The following SBF2 variants were observed in gnomAD, a reference collection of about 807,000 sequenced individuals.
The protein encoded by SBF2 is SET binding factor 2, also known as myotubularin-related protein 13.
In SBF2, 112 loss-of-function variants were observed where a neutral mutation model predicts 225.2. That is an observed-to-expected ratio of 0.50 (90% CI 0.43 to 0.58). SBF2 has a LOEUF of 0.58. SBF2 is among the 20% of genes least tolerant of loss of function. The probability of loss-of-function intolerance (pLI) is 0.00; values close to 1 mark genes in which losing one functional copy is unlikely to be tolerated. For missense variants in SBF2, 1,996 were observed against 2,206.2 expected (o/e 0.90, Z 1.91); for synonymous variants, 763 against 773.3 (o/e 0.99, Z 0.22).
At chr11:10,220,022 C>T (rs1958284838) in intron 1 of SBF2, among the ~76,000 whole-genome samples, 1 of 152,138 alleles carries the variant, frequency 6.6e-6, no homozygotes, top group South Asian at 2.1e-4. Context: ...ACCTCAGTAT[C>T]AATTTACTGT....
chr11:9,789,455 G>T, intron 34 of SBF2, 113 bp from the exon 35 acceptor site: 1 of 696,102 alleles, frequency 1.4e-6, no homozygotes, highest in South Asian at 1.6e-5. Flanking sequence ...TATGAATGGA[G>T]TTCAAATACC....
At position 9,812,696 on chromosome 11, in the gene SBF2, C is replaced by G; in HGVS notation, c.3991G>C (p.Glu1331Gln). ...ACAAACTCACAATTTAAAGCAAATT[C>G]TACCTTGAAGTTCTGCGGATGAAGA... ...EKSQLRNFKV[E>Q]FALNCEFVPV... The change falls in exon 30 of 40, where the codon GAA becomes CAA. Residue 1331 changes from glutamate to glutamine, a missense_variant. Coordinates refer to ENST00000256190, the MANE Select transcript of SBF2 (RefSeq NM_030962.4). 6.2e-7 allele frequency: 1 copy of G among 1,614,130 alleles called. No homozygotes were observed. The highest frequency in any genetic ancestry group is 8.5e-7 in the Non-Finnish European group (1 of 1,180,020).
At chr11:10,165,396 C>G (rs1955907058) in intron 2 of SBF2, among the ~76,000 whole-genome samples, 1 of 152,186 alleles carries the variant, frequency 6.6e-6, no homozygotes, top group Non-Finnish European at 1.5e-5. Context: ...AATAGCAATA[C>G]AGCTAACATC....
At chr11:10,005,996 G>C (rs2896513) in intron 6 of SBF2, among the ~76,000 whole-genome samples, 30,186 of 151,946 alleles carry the variant, frequency 0.2, 3,127 homozygotes, top group East Asian at 0.27. Flanking sequence ...GGCTCTCCTA[G>C]ACAAGAGGTT....
intron 1 of SBF2, among the ~76,000 whole-genome samples, chr11:10,198,757 A>C (rs555250729): frequency 1.3e-5 from 2 of 152,326 alleles, no homozygotes; most frequent in South Asian, 4.1e-4. Context: ...CTTCTACATA[A>C]GCACTTGCTG....
intron 16 of SBF2, among the ~76,000 whole-genome samples, chr11:9,909,268 G>T (rs1357629408): frequency 6.6e-6 from 1 of 151,426 alleles, no homozygotes; most frequent in Non-Finnish European, 1.5e-5. Flanking sequence ...ATTTTGGAAG[G>T]TTTTTGTTTT....
chr11:10,174,023 T>G (rs1258154854), intron 2 of SBF2, among the ~76,000 whole-genome samples: 2 of 151,338 alleles, frequency 1.3e-5, no homozygotes, highest in Admixed American at 6.6e-5. Context: ...ATCACCATCA[T>G]CAAAGACCAA....
intron 35 of SBF2, among the ~76,000 whole-genome samples, chr11:9,788,712 A>T (rs1167229668): frequency 6.7e-6 from 1 of 149,134 alleles, no homozygotes; most frequent in Non-Finnish European, 1.5e-5. Context: ...CTCCTGCCTC[A>T]GCCTCCCGAG....
intron 1 of SBF2, among the ~76,000 whole-genome samples, chr11:10,214,149 G>A (rs1958038970): frequency 6.6e-6 from 1 of 152,102 alleles, no homozygotes; most frequent in African/African-American, 2.4e-5. Flanking sequence ...TTGTTGTGGT[G>A]GTGGGGAGGG....
At chr11:10,056,623 A>C (rs571132390) in intron 2 of SBF2, among the ~76,000 whole-genome samples, 72 of 152,308 alleles carry the variant, frequency 4.7e-4, no homozygotes, top group Admixed American at 2.0e-3. Context: ...GATGTTTATT[A>C]GCTGAAGAAG....
chr11:9,853,128 T>A (rs1432986436), intron 20 of SBF2, among the ~76,000 whole-genome samples: 1 of 152,184 alleles, frequency 6.6e-6, no homozygotes, highest in Admixed American at 6.5e-5. Flanking sequence ...GAAAACATTA[T>A]ACTAAATGAA....
At chr11:9,899,346 A>AAC (rs1475778827) in intron 16 of SBF2, among the ~76,000 whole-genome samples, 1 of 150,864 alleles carries the variant, frequency 6.6e-6, no homozygotes, top group East Asian at 1.9e-4. Context: ...ATTAAAAAAA[A>AAC]AAAAAAAACT....
intron 16 of SBF2, among the ~76,000 whole-genome samples, chr11:9,931,172 C>T (rs760567867): frequency 6.6e-6 from 1 of 152,260 alleles, no homozygotes. Context: ...CCTCTGTGGG[C>T]AGGGCATAGC....
chr11:10,007,543 CAT>C (rs1207446151), intron 6 of SBF2, among the ~76,000 whole-genome samples: 8 of 152,180 alleles, frequency 5.3e-5, no homozygotes, highest in African/African-American at 1.9e-4. Flanking sequence ...TACAGGCCTT[CAT>C]AGCCCTATGA....
At chr11:10,190,896 A>G (rs1359224519) in intron 2 of SBF2, among the ~76,000 whole-genome samples, 1 of 152,170 alleles carries the variant, frequency 6.6e-6, no homozygotes, top group Non-Finnish European at 1.5e-5. Flanking sequence ...TAAAAGTGTC[A>G]CTCCTAGAAA....
chr11:9,812,189 T>G (rs900600996), intron 30 of SBF2, among the ~76,000 whole-genome samples: 3 of 152,158 alleles, frequency 2.0e-5, no homozygotes, highest in Admixed American at 1.3e-4. Context: ...CTGCCCTGGA[T>G]CCTTACTGTA....
chr11:9,786,258 T>C (rs1852366415), intron 36 of SBF2, among the ~76,000 whole-genome samples: 1 of 152,226 alleles, frequency 6.6e-6, no homozygotes, highest in African/African-American at 2.4e-5. Flanking sequence ...ATCTCTTTTA[T>C]ATGTGAATTT....
chr11:9,997,615 A>G (rs1947761025), intron 9 of SBF2, among the ~76,000 whole-genome samples: 2 of 152,020 alleles, frequency 1.3e-5, no homozygotes, highest in African/African-American at 2.4e-5. Flanking sequence ...TGTCTCTACT[A>G]AAAATACAAA....
intron 33 of SBF2, among the ~76,000 whole-genome samples, chr11:9,793,149 A>C (rs1028448650): frequency 1.3e-5 from 2 of 152,056 alleles, no homozygotes; most frequent in Non-Finnish European, 2.9e-5. Flanking sequence ...TAATCATGAT[A>C]ATCTTTCAAT....
Sources: gnomAD v4.1 joint callset for allele counts (sites outside exome capture counted in the v4.1 genomes callset) on GRCh38, gnomAD v4.1.1 for gene constraint, MANE v1.5 for transcripts, NCBI Gene and HGNC (gene_info 2026-07-23, HGNC 2026-07-21) for gene names.